The following CSMD3 variants were observed in gnomAD, a reference collection of about 807,000 sequenced individuals.
The protein encoded by CSMD3 is CUB and Sushi multiple domains 3.
CSMD3 carries 177 observed loss-of-function variants against 435.2 expected under a neutral mutation model. The ratio of observed to expected loss-of-function variants is 0.41; its 90% CI spans 0.36 to 0.46. The LOEUF is 0.46. Ranked by LOEUF, CSMD3 falls within the 20% of genes least tolerant of loss-of-function variation. The pLI is 0.34. For synonymous variants in CSMD3, 1,656 were observed against 1,520.5 expected, an observed-to-expected ratio of 1.09 and a Z score of -2.07; for missense variants, 4,265 against 4,504.6, an observed-to-expected ratio of 0.95 and a Z score of 1.52.
chr8:112,823,400 T>A (rs1230079731), intron 12 of CSMD3, among the ~76,000 whole-genome samples: 2 of 152,322 alleles, frequency 1.3e-5, no homozygotes, highest in African/African-American at 4.8e-5. Context: ...CCATTTCTTT[T>A]AATTGTGATG....
chr8:112,846,230 C>A (rs2080314833), intron 11 of CSMD3, among the ~76,000 whole-genome samples: 1 of 151,194 alleles, frequency 6.6e-6, no homozygotes, highest in African/African-American at 2.4e-5. Context: ...AAAGATAATT[C>A]TTTTTTAACA....
chr8:112,710,356 C>T (rs1456112145), intron 13 of CSMD3, among the ~76,000 whole-genome samples: 1 of 152,086 alleles, frequency 6.6e-6, no homozygotes, highest in African/African-American at 2.4e-5. Context: ...ACACGTCTTT[C>T]TGGCTTTTCA....
chr8:112,644,959 G>T (rs1052999615), intron 20 of CSMD3, 150 bp downstream of exon 20: 23 of 661,098 alleles, frequency 3.5e-5, no homozygotes, highest in Non-Finnish European at 6.3e-5. Context: ...AATTTTTGTG[G>T]CAATTATTTA....
chr8:113,141,607 G>A (rs1383730294), intron 4 of CSMD3, among the ~76,000 whole-genome samples: 1 of 150,702 alleles, frequency 6.6e-6, no homozygotes, highest in East Asian at 1.9e-4. Context: ...ATCAGTTAAT[G>A]CAAGGAAAAC....
intron 3 of CSMD3, among the ~76,000 whole-genome samples, chr8:113,209,430 G>A (rs1022005824): frequency 6.6e-5 from 10 of 152,122 alleles, no homozygotes; most frequent in Non-Finnish European, 1.3e-4. Context: ...TTCCATAAGA[G>A]TGTAACAAGT....
At chr8:112,317,285 C>G (rs976068645) in intron 47 of CSMD3, among the ~76,000 whole-genome samples, 1 of 151,926 alleles carries the variant, frequency 6.6e-6, no homozygotes, top group Admixed American at 6.6e-5. Flanking sequence ...AAATATCTAG[C>G]TTATCTGAAT....
At chr8:112,814,088 A>T (rs1215654487) in intron 12 of CSMD3, among the ~76,000 whole-genome samples, 1 of 152,182 alleles carries the variant, frequency 6.6e-6, no homozygotes, top group Non-Finnish European at 1.5e-5. Flanking sequence ...TGATTGCCTG[A>T]TGTCGAAGTG....
Position 112,447,178 on chromosome 8 carries a change from G to C in CSMD3, c.5395+25413C>G, listed in dbSNP as rs544101551. 5.3e-5 allele frequency among the ~76,000 whole-genome samples: 8 copies of C among 151,888 alleles called. No homozygotes were observed. The South Asian group carries it at 1.7e-3, about 32-fold the overall frequency. On this transcript the variant is annotated intron_variant, in intron 32 of 70. Coordinates refer to ENST00000297405, the MANE Select transcript of CSMD3 (RefSeq NM_198123.2). ...AAGATAAAAATCTCTTTGAGCCTTT[G>C]GATAAATATTCAAACTAAGTGATAT...
intron 52 of CSMD3, among the ~76,000 whole-genome samples, chr8:112,304,306 T>C (rs1048325150): frequency 6.6e-6 from 1 of 151,778 alleles, no homozygotes; most frequent in East Asian, 1.9e-4. Flanking sequence ...TCAGGCTACT[T>C]GGTCAAATAT....
At chr8:113,395,114 T>C (rs993440113) in intron 1 of CSMD3, among the ~76,000 whole-genome samples, 1 of 152,204 alleles carries the variant, frequency 6.6e-6, no homozygotes, top group South Asian at 2.1e-4. Flanking sequence ...TTATGGCTTA[T>C]GCAAATAAAT....
chr8:112,339,865 A>T lies in CSMD3; in HGVS notation c.6652+1612T>A, dbSNP rs150560092. Among the ~76,000 whole-genome samples the T allele has an allele frequency of 3.4e-3, 520 of 152,310 alleles. 4 individuals carry two copies. The highest frequency in any genetic ancestry group is 5.2e-3 in the Non-Finnish European group (354 of 68,018). Reference sequence around the variant, plus strand: ...TGTAGCACAAAAAGAAACCATTTTAAAACTCAGTGTGATTCACAACATCTC... The same window carrying T: ...TGTAGCACAAAAAGAAACCATTTTATAACTCAGTGTGATTCACAACATCTC... On this transcript the variant is annotated intron_variant, in intron 42 of 70. Transcript: ENST00000297405.
chr8:113,072,511 G>A (rs2131410701), intron 5 of CSMD3, among the ~76,000 whole-genome samples: 1 of 151,706 alleles, frequency 6.6e-6, no homozygotes, highest in East Asian at 1.9e-4. Flanking sequence ...AATTACGAAT[G>A]GATGCCCACT....
At chr8:112,524,631 T>C (rs1345325554) in intron 27 of CSMD3, among the ~76,000 whole-genome samples, 2 of 151,950 alleles carry the variant, frequency 1.3e-5, no homozygotes, top group African/African-American at 4.8e-5. Flanking sequence ...GACTTTGTTA[T>C]TGAAACTGAA....
At chr8:113,213,283 A>G (rs1222711547) in intron 3 of CSMD3, among the ~76,000 whole-genome samples, 2 of 152,110 alleles carry the variant, frequency 1.3e-5, no homozygotes, top group Non-Finnish European at 2.9e-5. Context: ...TAGGCAGGGC[A>G]TAAAAGATCA....
At chr8:112,239,746 T>C (rs1277725079) in intron 66 of CSMD3, among the ~76,000 whole-genome samples, 1 of 152,106 alleles carries the variant, frequency 6.6e-6, no homozygotes, top group East Asian at 1.9e-4. Flanking sequence ...ATTTCATTAA[T>C]CTACTCTCTA....
intron 13 of CSMD3, among the ~76,000 whole-genome samples, chr8:112,789,254 G>A (rs562345645): frequency 6.6e-6 from 1 of 151,952 alleles, no homozygotes; most frequent in South Asian, 2.1e-4. Flanking sequence ...TCCCATTTAA[G>A]ATATCTCAGT....
At chr8:112,609,566 G>A (rs1833090927) in intron 22 of CSMD3, among the ~76,000 whole-genome samples, 1 of 152,098 alleles carries the variant, frequency 6.6e-6, no homozygotes, top group Admixed American at 6.6e-5. Flanking sequence ...ATTGTTGGTG[G>A]GAATTTAAGT....
At chr8:113,293,828 A>G (rs2093701877) in intron 2 of CSMD3, among the ~76,000 whole-genome samples, 2 of 152,266 alleles carry the variant, frequency 1.3e-5, no homozygotes, top group South Asian at 4.1e-4. Context: ...CTCACCAAAG[A>G]TGTAGGAAGA....
In CSMD3 at chr8:113,411,318, C is replaced by G. The variant is rs550542056; in HGVS notation, c.178+25359G>C. On this transcript the variant is annotated intron_variant, in intron 1 of 70. Transcript: ENST00000297405. ...TCCAGAGACACTAAGGCCAATGTAA[C>G]TTTAGTTAGGAAACTCTTAAGTTAG... Among the ~76,000 whole-genome samples the G allele has an allele frequency of 5.9e-5, 9 of 152,262 alleles. No homozygotes were observed. In the South Asian group the frequency reaches 1.9e-3, roughly 32 times the overall value.
Sources: allele counts gnomAD v4.1 joint callset (sites outside exome capture counted in the v4.1 genomes callset), GRCh38; gene constraint gnomAD v4.1.1; transcripts MANE v1.5; gene names NCBI Gene and HGNC (gene_info 2026-07-23, HGNC 2026-07-21).